Variants in DPP10 observed in about 807,000 individuals in gnomAD.
DPP10 encodes the protein dipeptidyl peptidase like 10, also known as inactive dipeptidyl peptidase 10.
In DPP10, 33 loss-of-function variants were observed where a neutral mutation model predicts 120.9. The ratio of observed to expected loss-of-function variants is 0.27; its 90% CI spans 0.21 to 0.37. DPP10 has a LOEUF of 0.37. DPP10 is among the 10% of genes least tolerant of loss of function. The pLI is 1.00. For synonymous variants in DPP10, 337 were observed against 326.1 expected (o/e 1.03, Z -0.36); for missense variants, 816 against 942.8 (o/e 0.87, Z 1.76).
chr2:115,028,322 T>C (rs1208397365), intron 1 of DPP10, among the ~76,000 whole-genome samples: 6 of 152,106 alleles, frequency 3.9e-5, no homozygotes, highest in Non-Finnish European at 5.9e-5. Context: ...ATTTTTATAA[T>C]ATCCTTTTTA....
intron 1 of DPP10, among the ~76,000 whole-genome samples, chr2:114,938,446 C>G (rs1371120522): frequency 6.6e-6 from 1 of 152,094 alleles, no homozygotes; most frequent in Non-Finnish European, 1.5e-5. Context: ...AAACATACAA[C>G]TCTTTGTCAA....
intron 1 of DPP10, among the ~76,000 whole-genome samples, chr2:114,916,682 A>G (rs548960299): frequency 6.6e-6 from 1 of 152,364 alleles, no homozygotes; most frequent in African/African-American, 2.4e-5. Flanking sequence ...ATGCAAATAA[A>G]TAAACGTGAT....
At chr2:115,200,687 CT>C (rs1301361268) in intron 1 of DPP10, among the ~76,000 whole-genome samples, 1 of 152,200 alleles carries the variant, frequency 6.6e-6, no homozygotes, top group Non-Finnish European at 1.5e-5. Context: ...ACAGAATGTT[CT>C]ACCTAGGACC....
rs537523643 is a variant in DPP10, at chr2:114,455,418, G to A, written c.60+12580G>A. Among the ~76,000 whole-genome samples, 154 of 152,030 alleles carry A rather than the reference G, an allele frequency of 1.0e-3. 2 individuals carry two copies. Among genetic ancestry groups the A allele is most frequent in the African/African-American group, 2.8e-3 (116 of 41,454 alleles). ...AAATTAGCCAGGCGTGGTGTCTCACGCCTGTAGTCCCAGCTACATGGGAGG... is the reference window on the plus strand; with the variant it reads ...AAATTAGCCAGGCGTGGTGTCTCACACCTGTAGTCCCAGCTACATGGGAGG... On this transcript the variant is annotated intron_variant, in intron 1 of 25. Coordinates refer to ENST00000410059, the MANE Select transcript of DPP10 (RefSeq NM_020868.6).
At chr2:115,495,365 G>GGAAAAA (rs10649835) in intron 3 of DPP10, among the ~76,000 whole-genome samples, 1 of 82,240 alleles carries the variant, frequency 1.2e-5, no homozygotes, top group Non-Finnish European at 2.2e-5. Flanking sequence ...GCCATTTTCT[G>GGAAAAA]AAAAAAAAAA....
At chr2:115,606,489 A>G (rs1004968193) in intron 5 of DPP10, among the ~76,000 whole-genome samples, 6 of 152,150 alleles carry the variant, frequency 3.9e-5, no homozygotes, top group Non-Finnish European at 8.8e-5. Flanking sequence ...TTTCTTTTAA[A>G]TTGTTTCCTT....
intron 5 of DPP10, among the ~76,000 whole-genome samples, chr2:115,687,053 T>TA (rs1341504487): frequency 2.0e-5 from 3 of 151,902 alleles, no homozygotes; most frequent in African/African-American, 4.8e-5. Context: ...TGAGGAATGT[T>TA]AAAAAAGAGT....
intron 1 of DPP10, among the ~76,000 whole-genome samples, chr2:115,100,847 C>G (rs529490755): frequency 2.1e-4 from 32 of 152,308 alleles, no homozygotes; most frequent in Non-Finnish European, 3.8e-4. Flanking sequence ...TCCTTCCAGG[C>G]CCCTGAACAA....
At chr2:115,464,226 G>A (rs2074167710) in intron 3 of DPP10, among the ~76,000 whole-genome samples, 1 of 152,134 alleles carries the variant, frequency 6.6e-6, no homozygotes, top group Non-Finnish European at 1.5e-5. Context: ...TGTCTTTGGA[G>A]CTAGAACAAG....
intron 21 of DPP10, among the ~76,000 whole-genome samples, chr2:115,817,076 G>A (rs1208123655): frequency 8.6e-5 from 13 of 151,438 alleles, no homozygotes; most frequent in East Asian, 4.0e-4. Flanking sequence ...GTGAAACCCC[G>A]TCTCTACTAA....
intron 1 of DPP10, among the ~76,000 whole-genome samples, chr2:114,837,738 C>T (rs1687855212): frequency 6.6e-6 from 1 of 152,172 alleles, no homozygotes; most frequent in Non-Finnish European, 1.5e-5. Context: ...TGATCTGCCT[C>T]ACAAATCATT....
chr2:115,224,560 A>G (rs1183460489), intron 1 of DPP10, among the ~76,000 whole-genome samples: 1 of 152,162 alleles, frequency 6.6e-6, no homozygotes, highest in Non-Finnish European at 1.5e-5. Flanking sequence ...GTCAAAGGAC[A>G]TAAAATTTCA....
At chr2:114,581,054 T>C (rs1690468285) in intron 1 of DPP10, among the ~76,000 whole-genome samples, 1 of 152,204 alleles carries the variant, frequency 6.6e-6, no homozygotes, top group Non-Finnish European at 1.5e-5. Flanking sequence ...CTGATTCATC[T>C]GATTCTGTAG....
chr2:115,361,060 G>A (rs989683099), intron 3 of DPP10, among the ~76,000 whole-genome samples: 5 of 152,156 alleles, frequency 3.3e-5, no homozygotes, highest in African/African-American at 1.2e-4. Context: ...TTGCTTGTCT[G>A]TTAGGTGCTG....
intron 10 of DPP10, among the ~76,000 whole-genome samples, chr2:115,750,573 T>C (rs1678574164): frequency 6.6e-6 from 1 of 152,218 alleles, no homozygotes. Context: ...ATGCTTTGCT[T>C]ATGACCGTAA....
intron 3 of DPP10, among the ~76,000 whole-genome samples, chr2:115,346,990 G>A (rs1357361692): frequency 6.6e-6 from 1 of 152,066 alleles, no homozygotes; most frequent in Non-Finnish European, 1.5e-5. Flanking sequence ...CCTCATTGCT[G>A]TCGTAGGGTG....
chr2:115,663,041 A>G (rs959012201), intron 5 of DPP10, among the ~76,000 whole-genome samples: 2 of 151,724 alleles, frequency 1.3e-5, no homozygotes, highest in Non-Finnish European at 2.9e-5. Flanking sequence ...AGGTGTATAT[A>G]TTTGGGGGGC....
intron 1 of DPP10, among the ~76,000 whole-genome samples, chr2:114,665,971 A>T (rs1037088117): frequency 3.9e-5 from 6 of 152,194 alleles, no homozygotes; most frequent in African/African-American, 1.4e-4. Context: ...ATGTAATTAG[A>T]AATCTTAATA....
At chr2:115,596,005 G>C (rs534902983) in intron 5 of DPP10, among the ~76,000 whole-genome samples, 151 of 152,122 alleles carry the variant, frequency 9.9e-4, no homozygotes, top group African/African-American at 3.5e-3. Context: ...TTTTAATTAT[G>C]TATTAGATTC....
Sources: gnomAD v4.1 joint callset for allele counts (sites outside exome capture counted in the v4.1 genomes callset) on GRCh38, gnomAD v4.1.1 for gene constraint, MANE v1.5 for transcripts, NCBI Gene and HGNC (gene_info 2026-07-23, HGNC 2026-07-21) for gene names.